Variants in NAALADL2 observed in about 807,000 individuals in gnomAD.
NAALADL2 encodes the protein inactive N-acetylated-alpha-linked acidic dipeptidase-like protein 2.
NAALADL2 carries 76 observed loss-of-function variants against 87.2 expected under a neutral mutation model. The ratio of observed to expected loss-of-function variants is 0.87; its 90% CI spans 0.72 to 1.05. The LOEUF (loss-of-function observed/expected upper bound fraction) is 1.05, where lower values mean the gene tolerates loss of function less well. NAALADL2 is among the 50% of genes least tolerant of loss of function. The pLI, the probability that NAALADL2 is intolerant of heterozygous loss-of-function variation, is 0.00. For missense variants in NAALADL2, 1,089 were observed against 945.8 expected (o/e 1.15, Z -1.99); for synonymous variants, 354 against 331.0 (o/e 1.07, Z -0.75).
At chr3:175,467,744 C>A (rs1343847795) in intron 8 of NAALADL2, among the ~76,000 whole-genome samples, 1 of 152,114 alleles carries the variant, frequency 6.6e-6, no homozygotes, top group Non-Finnish European at 1.5e-5. Flanking sequence ...ACCTACCTAA[C>A]CACCTTAGGG....
At chr3:175,622,567 G>A (rs1473926025) in intron 10 of NAALADL2, among the ~76,000 whole-genome samples, 1 of 152,020 alleles carries the variant, frequency 6.6e-6, no homozygotes, top group Non-Finnish European at 1.5e-5. Context: ...GCAGTAGATT[G>A]ACGACGAAGA....
intron 2 of NAALADL2, among the ~76,000 whole-genome samples, chr3:175,212,504 G>A (rs2109277177): frequency 6.6e-6 from 1 of 152,044 alleles, no homozygotes; most frequent in African/African-American, 2.4e-5. Flanking sequence ...TATAAATAAT[G>A]ACACACATCA....
intron 1 of NAALADL2, among the ~76,000 whole-genome samples, chr3:175,081,745 C>T (rs754315946): frequency 1.6e-4 from 25 of 152,230 alleles, no homozygotes; most frequent in Admixed American, 3.9e-4. Context: ...ACGATAGACC[C>T]CACAATTTAC....
At chr3:175,124,629 AG>A (rs1462586481) in intron 2 of NAALADL2, 9 of 152,046 alleles carry the variant, frequency 5.9e-5, no homozygotes, top group African/African-American at 2.2e-4. Flanking sequence ...GAATTCAGCA[AG>A]AAAGTAAAGA....
intron 2 of NAALADL2, among the ~76,000 whole-genome samples, chr3:175,194,565 A>G (rs1384391198): frequency 1.3e-5 from 2 of 151,968 alleles, no homozygotes; most frequent in African/African-American, 2.4e-5. Flanking sequence ...CTTTTTGAAT[A>G]TATGAAAACA....
chr3:175,067,157 G>A (rs1287127383), intron 1 of NAALADL2, among the ~76,000 whole-genome samples: 2 of 152,034 alleles, frequency 1.3e-5, no homozygotes, highest in African/African-American at 2.4e-5. Flanking sequence ...GAAAACATAG[G>A]AGACACCATT....
intron 13 of NAALADL2, among the ~76,000 whole-genome samples, chr3:175,789,952 TTAAACACA>T (rs1203856616): frequency 1.3e-5 from 2 of 152,214 alleles, no homozygotes; most frequent in East Asian, 3.9e-4. Context: ...GGGCAATTGT[TTAAACACA>T]TAGTGACAAC....
intron 3 of NAALADL2, among the ~76,000 whole-genome samples, chr3:174,753,149 G>A (rs1055824475): frequency 6.6e-6 from 1 of 151,964 alleles, no homozygotes; most frequent in African/African-American, 2.4e-5. Flanking sequence ...TGACACCCAG[G>A]TTGAAGTGCA....
At chr3:175,796,412 G>A (rs1753503653) in intron 13 of NAALADL2, among the ~76,000 whole-genome samples, 1 of 152,134 alleles carries the variant, frequency 6.6e-6, no homozygotes, top group Admixed American at 6.6e-5. Context: ...TCAGTTGTCT[G>A]CAGAGTGAGT....
At chr3:175,558,081 G>T (rs1296190565) in intron 9 of NAALADL2, among the ~76,000 whole-genome samples, 1 of 151,330 alleles carries the variant, frequency 6.6e-6, no homozygotes. Flanking sequence ...TGTAGTCCCA[G>T]CTACTTGGGA....
chr3:174,703,349 A>C (rs1469194989), intron 2 of NAALADL2, among the ~76,000 whole-genome samples: 1 of 147,012 alleles, frequency 6.8e-6, no homozygotes, highest in Non-Finnish European at 1.5e-5. Context: ...TGTTATCTAG[A>C]GTGATAATTG....
intron 1 of NAALADL2, among the ~76,000 whole-genome samples, chr3:175,013,132 A>G (rs1750212280): frequency 1.0e-5 from 1 of 97,970 alleles, no homozygotes; most frequent in African/African-American, 4.1e-5. Flanking sequence ...ACATATTTAT[A>G]TATAAATATG....
Position 175,240,056 on chromosome 3 carries a change from TTCTG to T in NAALADL2, c.819+5856_819+5859del, listed in dbSNP as rs374630573. ...TTATCACATTATCTAAATATAATCTTTCTGTCTTCTCTTTAACAAGACAAATACG... is the reference window on the plus strand; with the variant it reads ...TTATCACATTATCTAAATATAATCTTTCTTCTCTTTAACAAGACAAATACG... On this transcript the variant is annotated intron_variant, in intron 3 of 13. Transcript: ENST00000454872. Among the ~76,000 whole-genome samples the T allele has an allele frequency of 6.1e-3, 933 of 152,324 alleles. 13 individuals are homozygous for T. The highest frequency in any genetic ancestry group is 0.021 in the African/African-American group (893 of 41,574).
chr3:174,567,409 A>AT (rs552866904), intron 2 of NAALADL2, among the ~76,000 whole-genome samples: 1 of 151,420 alleles, frequency 6.6e-6, no homozygotes, highest in Non-Finnish European at 1.5e-5. Context: ...TTTCAATATA[A>AT]TTTTTTTCAA....
At chr3:175,423,664 A>G (rs1716268398) in intron 5 of NAALADL2, among the ~76,000 whole-genome samples, 1 of 152,152 alleles carries the variant, frequency 6.6e-6, no homozygotes, top group African/African-American at 2.4e-5. Flanking sequence ...CCAGTCTATC[A>G]TTGTTGGACA....
At chr3:174,953,653 C>G (rs1257523269) in intron 1 of NAALADL2, among the ~76,000 whole-genome samples, 1 of 151,944 alleles carries the variant, frequency 6.6e-6, no homozygotes, top group South Asian at 2.1e-4. Context: ...TGTCTATTCC[C>G]TTGGGCTGTG....
At chr3:175,193,908 A>ACTAAC (rs1738585477) in intron 2 of NAALADL2, among the ~76,000 whole-genome samples, 1 of 149,018 alleles carries the variant, frequency 6.7e-6, no homozygotes. Context: ...ACTTAATGTG[A>ACTAAC]CTAAACATAA....
chr3:175,168,050 T>TC (rs1233513916), intron 2 of NAALADL2, among the ~76,000 whole-genome samples: 3 of 151,920 alleles, frequency 2.0e-5, no homozygotes, highest in East Asian at 1.9e-4. Flanking sequence ...CAATTTTTTT[T>TC]CCCAAACCAC....
chr3:175,296,549 G>A lies in NAALADL2; in HGVS notation c.940-27626G>A, dbSNP rs77059434. The stretch of plus-strand genomic sequence containing the variant: ...TTCCCTTTACCCTGGCTGACAGGAA[G>A]CTCAGACTTAGTTTCCAAGAGGACC... On this transcript the variant is annotated intron_variant, in intron 4 of 13. Coordinates refer to ENST00000454872, the MANE Select transcript of NAALADL2 (RefSeq NM_207015.3). Among the ~76,000 whole-genome samples the A allele has an allele frequency of 1.0e-2, 1,520 of 152,206 alleles. 30 individuals carry two copies. Among genetic ancestry groups the A allele is most frequent in the African/African-American group, 0.034 (1,432 of 41,524 alleles).
Sources: allele counts gnomAD v4.1 joint callset (sites outside exome capture counted in the v4.1 genomes callset), GRCh38; gene constraint gnomAD v4.1.1; transcripts MANE v1.5; gene names NCBI Gene and HGNC (gene_info 2026-07-23, HGNC 2026-07-21).